Variants in MPPED2 observed in about 807,000 individuals in gnomAD.
MPPED2 encodes the protein metallophosphoesterase MPPED2.
MPPED2 carries 5 observed loss-of-function variants against 33.0 expected under a neutral mutation model. The ratio of observed to expected loss-of-function variants is 0.15; its 90% CI spans 0.08 to 0.32. MPPED2 has a LOEUF of 0.32. MPPED2 is among the 10% of genes least tolerant of loss of function. The probability of loss-of-function intolerance (pLI) is 1.00; values close to 1 mark genes in which losing one functional copy is unlikely to be tolerated. For missense variants in MPPED2, 275 were observed against 372.1 expected, an observed-to-expected ratio of 0.74 and a Z score of 2.15; for synonymous variants, 136 against 141.9, an observed-to-expected ratio of 0.96 and a Z score of 0.29.
At chr11:30,476,425 T>G (rs2134092272) in intron 4 of MPPED2, among the ~76,000 whole-genome samples, 1 of 152,160 alleles carries the variant, frequency 6.6e-6, no homozygotes, top group East Asian at 1.9e-4. Context: ...GTTTTGTAAT[T>G]ATTTTTGTAT....
At chr11:30,392,908 C>G (rs1947798108) in intron 6 of MPPED2, among the ~76,000 whole-genome samples, 1 of 152,082 alleles carries the variant, frequency 6.6e-6, no homozygotes. Flanking sequence ...AGCTTCTTTC[C>G]AAACACTTTA....
intron 2 of MPPED2, among the ~76,000 whole-genome samples, 180 bp downstream of exon 2, chr11:30,580,066 A>G (rs1806934275): frequency 6.6e-6 from 1 of 152,210 alleles, no homozygotes; most frequent in South Asian, 2.1e-4. Context: ...TGAAAATTTG[A>G]AATGTTACAC....
chr11:30,447,870 A>G (rs1463779689), intron 4 of MPPED2, among the ~76,000 whole-genome samples: 1 of 152,174 alleles, frequency 6.6e-6, no homozygotes, highest in Non-Finnish European at 1.5e-5. Context: ...TCACCCTACC[A>G]TCCAGTACTA....
In MPPED2 at chr11:30,509,777, G is replaced by A. The variant is rs78984520; in HGVS notation, c.311-14256C>T. ...CTTACCAAAATTCCAACCTAGCAGA[G>A]TCCTCAGAGATTTGAATCATTCCTT... On this transcript the variant is annotated intron_variant, in intron 3 of 6. Coordinates refer to ENST00000358117, the MANE Select transcript of MPPED2 (RefSeq NM_001584.3). Among the ~76,000 whole-genome samples the A allele has an allele frequency of 9.9e-3, 1,501 of 152,200 alleles. 24 individuals carry two copies. Among genetic ancestry groups the A allele is most frequent in the African/African-American group, 0.034 (1,422 of 41,506 alleles).
intron 4 of MPPED2, among the ~76,000 whole-genome samples, chr11:30,431,647 G>T (rs1272050184): frequency 6.6e-6 from 1 of 152,020 alleles, no homozygotes; most frequent in African/African-American, 2.4e-5. Context: ...AGTTGTATTG[G>T]GTCATTACTT....
intron 6 of MPPED2, among the ~76,000 whole-genome samples, chr11:30,412,698 C>T (rs1948163408): frequency 6.6e-6 from 1 of 152,114 alleles, no homozygotes; most frequent in South Asian, 2.1e-4. Context: ...GGTATTTGCC[C>T]TCTTCCTGCC....
intron 1 of MPPED2, among the ~76,000 whole-genome samples, chr11:30,585,228 T>C (rs1957404458): frequency 6.6e-6 from 1 of 152,242 alleles, no homozygotes; most frequent in Non-Finnish European, 1.5e-5. Flanking sequence ...CGGTTACTTT[T>C]CCTCGGTACT....
chr11:30,539,576 C>A lies in MPPED2; in HGVS notation c.129-3401G>T, dbSNP rs523639. ...ATCTCCTCTATCCCTTCCCTCTAGA[C>A]GACATAATGTTTTGTGTTTGTTTGG... On this transcript the variant is annotated intron_variant, in intron 2 of 6. Transcript: ENST00000358117. 1.3e-3 allele frequency among the ~76,000 whole-genome samples: 200 copies of A among 151,974 alleles called. No homozygotes were observed. In the Middle Eastern group the frequency reaches 0.017, roughly 13 times the overall value.
intron 6 of MPPED2, among the ~76,000 whole-genome samples, chr11:30,391,413 T>TTGG (rs1947774395): frequency 6.6e-6 from 1 of 152,072 alleles, no homozygotes; most frequent in Non-Finnish European, 1.5e-5. Context: ...ACGTTATCAG[T>TTGG]TGGTGGGGCA....
intron 4 of MPPED2, among the ~76,000 whole-genome samples, chr11:30,447,754 G>C (rs943256710): frequency 6.6e-6 from 1 of 152,158 alleles, no homozygotes; most frequent in African/African-American, 2.4e-5. Flanking sequence ...CTGATAGCTA[G>C]AGGGGTCTGC....
chr11:30,476,728 T>G (rs1168573352), intron 4 of MPPED2, among the ~76,000 whole-genome samples: 1 of 152,078 alleles, frequency 6.6e-6, no homozygotes, highest in South Asian at 2.1e-4. Flanking sequence ...GAAATCTTTT[T>G]TTATTTTCAA....
In MPPED2 at chr11:30,534,670, AC is replaced by A. The variant is rs557947001; in HGVS notation, c.310+1323del. On this transcript the variant is annotated intron_variant, in intron 3 of 6. Coordinates refer to ENST00000358117, the MANE Select transcript of MPPED2 (RefSeq NM_001584.3). ...AGTGCCCTTGAAAAGCAACATGCCA[AC>A]ATGTAGCAAAAACCATAAAGAATTT... Among the ~76,000 whole-genome samples the A allele has an allele frequency of 2.8e-3, 426 of 152,346 alleles. 2 individuals are homozygous for A. The highest frequency in any genetic ancestry group is 9.6e-3 in the African/African-American group (399 of 41,588).
intron 4 of MPPED2, among the ~76,000 whole-genome samples, chr11:30,459,585 A>G (rs1348515921): frequency 6.6e-6 from 1 of 152,226 alleles, no homozygotes; most frequent in Non-Finnish European, 1.5e-5. Flanking sequence ...GGCCTTGACA[A>G]GATCATAAAA....
rs536411304 is a variant in MPPED2 at position 30,548,562 on chromosome 11, C to T, written c.129-12387G>A. ...TAAAGGGCCCAGTGCATATCGAATGCTCAGTAAGTGTTAGCCATCATTATT... is the reference window on the plus strand; with the variant it reads ...TAAAGGGCCCAGTGCATATCGAATGTTCAGTAAGTGTTAGCCATCATTATT... On this transcript the variant is annotated intron_variant, in intron 2 of 6. Coordinates refer to ENST00000358117, the MANE Select transcript of MPPED2 (RefSeq NM_001584.3). 2.0e-5 allele frequency among the ~76,000 whole-genome samples: 3 copies of T among 152,240 alleles called. No homozygotes were observed. In the South Asian group the frequency reaches 6.2e-4, roughly 32 times the overall value.
At position 30,411,354 on chromosome 11, in the gene MPPED2, A is replaced by C; in HGVS notation, c.*114T>G. 1 of 1,397,540 alleles carries C rather than the reference A, an allele frequency of 7.2e-7. No homozygotes were observed. Among genetic ancestry groups the C allele is most frequent in the Non-Finnish European group, 9.4e-7 (1 of 1,064,272 alleles). The allele number at this position is 1,397,540 out of a possible 1,614,324, so 86.6% of individuals were successfully genotyped here. On this transcript the variant is annotated 3_prime_UTR_variant, in exon 7 of 7. Transcript: ENST00000358117. ...CCTCTAGCATCATTTGTGTTCCAAC[A>C]ATTTACAAAAAGAACTCACAGGGTT...
chr11:30,434,460 G>A (rs1949228634), intron 4 of MPPED2, among the ~76,000 whole-genome samples: 1 of 152,142 alleles, frequency 6.6e-6, no homozygotes, highest in Admixed American at 6.6e-5. Flanking sequence ...TTTACCCCCA[G>A]GAAGTAACAA....
chr11:30,578,121 G>A (rs112751001), intron 2 of MPPED2, among the ~76,000 whole-genome samples: 54 of 152,248 alleles, frequency 3.5e-4, no homozygotes, highest in African/African-American at 1.0e-3. Flanking sequence ...GATTGGAAAC[G>A]GATAGGTAGA....
At position 30,398,670 on chromosome 11, in the gene MPPED2, G is replaced by T. The variant is rs867739198; in HGVS notation, c.767-9714C>A. 3.9e-5 allele frequency among the ~76,000 whole-genome samples: 6 copies of T among 152,152 alleles called. No individual in the cohort carries two copies. The South Asian group carries it at 1.0e-3, about 26-fold the overall frequency. On this transcript the variant is annotated intron_variant, in intron 6 of 6. Transcript: ENST00000448418. ...AACCTCTCTTTTATTGATCAAATTG[G>T]AGTAAGTTTTAGTTCCTTGCAATCA...
chr11:30,455,920 A>G (rs1950261471), intron 4 of MPPED2, among the ~76,000 whole-genome samples: 1 of 152,222 alleles, frequency 6.6e-6, no homozygotes, highest in African/African-American at 2.4e-5. Context: ...AAGAGGCTCC[A>G]TGACTCTGTT....
Sources: allele counts gnomAD v4.1 joint callset (sites outside exome capture counted in the v4.1 genomes callset), GRCh38; gene constraint gnomAD v4.1.1; transcripts MANE v1.5; gene names NCBI Gene and HGNC (gene_info 2026-07-23, HGNC 2026-07-21).